Variants in RIT2 observed in about 807,000 individuals in gnomAD.
RIT2 encodes GTP-binding protein Rit2.
In RIT2, 24 loss-of-function variants were observed where a neutral mutation model predicts 23.7. That is an observed-to-expected ratio of 1.01 (90% CI 0.73 to 1.43). RIT2 has a LOEUF of 1.43. Among genes scored for constraint, RIT2 ranks in the 40% most tolerant of loss-of-function variants. The pLI is 0.00. For synonymous variants in RIT2, 107 were observed against 91.1 expected (o/e 1.17, Z -0.99); for missense variants, 236 against 266.9 (o/e 0.88, Z 0.81).
At chr18:43,041,127 A>G (rs1390494731) in intron 1 of RIT2, among the ~76,000 whole-genome samples, 1 of 152,186 alleles carries the variant, frequency 6.6e-6, no homozygotes, top group Non-Finnish European at 1.5e-5. Flanking sequence ...TCATAAAAAT[A>G]TCTGGGAAAA....
intron 4 of RIT2, among the ~76,000 whole-genome samples, chr18:42,755,940 T>C (rs1913152691): frequency 6.6e-6 from 1 of 151,880 alleles, no homozygotes; most frequent in Non-Finnish European, 1.5e-5. Flanking sequence ...TAGACCTGAA[T>C]GGCAAGTAGT....
intron 1 of RIT2, among the ~76,000 whole-genome samples, chr18:43,065,273 T>A (rs1308034199): frequency 7.0e-6 from 1 of 142,206 alleles, no homozygotes; most frequent in Admixed American, 7.4e-5. Flanking sequence ...GTTGCCCAGG[T>A]TGGAGTGCAG....
intron 3 of RIT2, among the ~76,000 whole-genome samples, chr18:42,963,586 ATGT>A (rs1228752705): frequency 1.3e-5 from 2 of 152,308 alleles, no homozygotes; most frequent in East Asian, 3.9e-4. Flanking sequence ...TGTCATCAAA[ATGT>A]TGTGAAAGGA....
chr18:42,920,995 A>T (rs1909042858), intron 4 of RIT2, among the ~76,000 whole-genome samples: 1 of 152,092 alleles, frequency 6.6e-6, no homozygotes, highest in Admixed American at 6.6e-5. Context: ...ATACTGATGA[A>T]CAAAAAGAGT....
At chr18:43,014,137 T>G (rs1449713464) in intron 2 of RIT2, among the ~76,000 whole-genome samples, 2 of 151,776 alleles carry the variant, frequency 1.3e-5, no homozygotes, top group Non-Finnish European at 2.9e-5. Flanking sequence ...GAAGAGGTAA[T>G]CCTTGAGCTT....
At chr18:43,045,362 A>G (rs987028745) in intron 1 of RIT2, among the ~76,000 whole-genome samples, 7 of 152,174 alleles carry the variant, frequency 4.6e-5, no homozygotes, top group African/African-American at 1.7e-4. Flanking sequence ...ATGAGAATTA[A>G]CATTGTTATC....
chr18:43,093,472 G>A (rs758915922), intron 1 of RIT2, among the ~76,000 whole-genome samples: 1 of 151,844 alleles, frequency 6.6e-6, no homozygotes, highest in Non-Finnish European at 1.5e-5. Context: ...GCAATTTATT[G>A]TTATAGACCT....
intron 3 of RIT2, among the ~76,000 whole-genome samples, chr18:42,970,372 A>T (rs1407555456): frequency 1.3e-5 from 2 of 152,052 alleles, no homozygotes; most frequent in African/African-American, 2.4e-5. Context: ...GTTAAGTATT[A>T]AAAAAATTAA....
At chr18:42,827,708 T>C (rs1906334087) in intron 4 of RIT2, among the ~76,000 whole-genome samples, 1 of 152,058 alleles carries the variant, frequency 6.6e-6, no homozygotes. Flanking sequence ...CAATGTCAAG[T>C]ATTTAGAAAA....
intron 4 of RIT2, among the ~76,000 whole-genome samples, chr18:42,847,138 C>G (rs1476097359): frequency 6.6e-6 from 1 of 152,092 alleles, no homozygotes; most frequent in Non-Finnish European, 1.5e-5. Flanking sequence ...GGAAAATGGT[C>G]AGTACTTGTT....
chr18:42,860,065 T>C (rs1907287561), intron 4 of RIT2, among the ~76,000 whole-genome samples: 1 of 152,206 alleles, frequency 6.6e-6, no homozygotes, highest in South Asian at 2.1e-4. Context: ...TGTCACTGAT[T>C]ATTTTTGATG....
At chr18:43,111,768 CTG>C (rs1233566470) in intron 1 of RIT2, among the ~76,000 whole-genome samples, 1 of 152,048 alleles carries the variant, frequency 6.6e-6, no homozygotes, top group Non-Finnish European at 1.5e-5. Context: ...TCAGCTTACT[CTG>C]TGTAAAAATT....
chr18:42,753,276 A>T (rs529906652), intron 4 of RIT2, among the ~76,000 whole-genome samples: 2 of 152,350 alleles, frequency 1.3e-5, no homozygotes, highest in African/African-American at 4.8e-5. Context: ...GGTAAAAATA[A>T]AATACAATAA....
chr18:43,007,640 A>G (rs1911257566), intron 2 of RIT2, among the ~76,000 whole-genome samples: 1 of 151,716 alleles, frequency 6.6e-6, no homozygotes, highest in East Asian at 1.9e-4. Context: ...AAAAATTGCT[A>G]CTGGCAAAAG....
intron 4 of RIT2, among the ~76,000 whole-genome samples, chr18:42,764,993 C>T (rs1262162418): frequency 6.6e-6 from 1 of 152,174 alleles, no homozygotes; most frequent in African/African-American, 2.4e-5. Flanking sequence ...CATGTTTAGG[C>T]ACTCAGTATA....
intron 4 of RIT2, among the ~76,000 whole-genome samples, chr18:42,854,488 A>G (rs959920386): frequency 1.3e-5 from 2 of 152,118 alleles, no homozygotes; most frequent in South Asian, 2.1e-4. Context: ...GGGAGGTTTT[A>G]AGCCTCCTTC....
intron 3 of RIT2, among the ~76,000 whole-genome samples, chr18:42,933,328 A>G (rs2144147675): frequency 6.6e-6 from 1 of 152,322 alleles, no homozygotes; most frequent in African/African-American, 2.4e-5. Context: ...ACATGCCTGT[A>G]CAATGAAAAT....
intron 2 of RIT2, among the ~76,000 whole-genome samples, chr18:43,014,737 G>T (rs1157079629): frequency 6.6e-6 from 1 of 151,434 alleles, no homozygotes; most frequent in Non-Finnish European, 1.5e-5. Context: ...TAAGAGTGCA[G>T]GAATGAGTCC....
chr18:43,068,359 A>G (rs1455176405), intron 1 of RIT2, among the ~76,000 whole-genome samples: 1 of 152,200 alleles, frequency 6.6e-6, no homozygotes, highest in Non-Finnish European at 1.5e-5. Flanking sequence ...GGATTTACTC[A>G]TAATAACTGG....
Sources: gnomAD v4.1 joint callset for allele counts (sites outside exome capture counted in the v4.1 genomes callset) on GRCh38, gnomAD v4.1.1 for gene constraint, MANE v1.5 for transcripts, NCBI Gene and HGNC (gene_info 2026-07-23, HGNC 2026-07-21) for gene names.